The following CTNNA1 variants were observed in gnomAD, a reference collection of about 807,000 sequenced individuals.
CTNNA1 encodes catenin alpha-1.
CTNNA1 carries 37 observed loss-of-function variants against 98.4 expected under a neutral mutation model. That is an observed-to-expected ratio of 0.38 (90% CI 0.29 to 0.49). The LOEUF (loss-of-function observed/expected upper bound fraction) is 0.49. Among genes scored for constraint, CTNNA1 ranks in the 20% least tolerant of loss-of-function variants. The pLI is 0.95. For synonymous variants in CTNNA1, 404 were observed against 413.2 expected, an observed-to-expected ratio of 0.98 and a Z score of 0.27; for missense variants, 761 against 1,147.2, an observed-to-expected ratio of 0.66 and a Z score of 4.86.
intron 7 of CTNNA1, among the ~76,000 whole-genome samples, chr5:138,838,474 C>A (rs992600145): frequency 1.3e-5 from 2 of 152,080 alleles, no homozygotes; most frequent in Admixed American, 6.6e-5. Context: ...GTCAATCTGG[C>A]CAGAAGTTTA....
chr5:138,867,335 G>C (rs1478742582), intron 7 of CTNNA1, among the ~76,000 whole-genome samples: 1 of 152,170 alleles, frequency 6.6e-6, no homozygotes, highest in Non-Finnish European at 1.5e-5. Context: ...ATGTGGTCCT[G>C]CTATGGGGCT....
At chr5:138,778,888 T>G (rs1561516562) in intron 1 of CTNNA1, among the ~76,000 whole-genome samples, 1 of 151,748 alleles carries the variant, frequency 6.6e-6, no homozygotes, top group Non-Finnish European at 1.5e-5. Context: ...AAAGTTACGT[T>G]TTTTTTTTGA....
intron 7 of CTNNA1, among the ~76,000 whole-genome samples, chr5:138,855,317 G>A (rs559563603): frequency 2.6e-4 from 40 of 152,236 alleles, no homozygotes; most frequent in South Asian, 1.7e-3. Flanking sequence ...GATTATAGGC[G>A]TGAGCCACCG....
chr5:138,869,412 A>G (rs2149912647), intron 7 of CTNNA1: 1 of 151,066 alleles, frequency 6.6e-6, no homozygotes, highest in South Asian at 2.1e-4. Flanking sequence ...GCTTTAGTCA[A>G]TAAGATATGA....
chr5:138,873,223 C>G lies in CTNNA1; in HGVS notation c.1063-12989C>G. 1 of 1,613,912 alleles carries G rather than the reference C, an allele frequency of 6.2e-7. No individual in the cohort carries two copies. Among genetic ancestry groups the G allele is most frequent in the Non-Finnish European group, 8.5e-7 (1 of 1,179,856 alleles). ...TTCTTCTTAAAGTGGGAGGGCAGCA[C>G]TTCCTGGAGATGAACACTATAAAAA... On this transcript the variant is annotated intron_variant, in intron 7 of 17. Transcript: ENST00000302763. The surrounding 1 kb of genome is among the most constrained non-coding windows in gnomAD (Gnocchi z 6.1).
At chr5:138,829,674 T>G (rs944555499) in intron 7 of CTNNA1, among the ~76,000 whole-genome samples, 2 of 152,188 alleles carry the variant, frequency 1.3e-5, no homozygotes, top group Non-Finnish European at 2.9e-5. Flanking sequence ...ACTGAAGACA[T>G]GGAGACTGCA....
At position 138,873,882 on chromosome 5, in the gene CTNNA1, G is replaced by T. The variant is rs778020992; in HGVS notation, c.1063-12330G>T. On this transcript the variant is annotated intron_variant, in intron 7 of 17. Transcript: ENST00000302763. This position sits in a 1 kb window ranked among gnomAD's most constrained non-coding sequence, Gnocchi z 6.1. Reference sequence around the variant, plus strand: ...AAGAGCGTGTGCAGACTGCTTAGCCGTAGGAAATGAGCAAAATTAATCTTC... The same window carrying T: ...AAGAGCGTGTGCAGACTGCTTAGCCTTAGGAAATGAGCAAAATTAATCTTC... 3.1e-6 allele frequency: 5 copies of T among 1,613,846 alleles called. No individual in the cohort carries two copies. The highest frequency in any genetic ancestry group is 1.1e-5 in the South Asian group (1 of 91,084).
At chr5:138,858,423 G>T (rs754060097) in intron 7 of CTNNA1, among the ~76,000 whole-genome samples, 1 of 152,022 alleles carries the variant, frequency 6.6e-6, no homozygotes, top group Non-Finnish European at 1.5e-5. Context: ...TCCTGCGCCT[G>T]TCCCAGTATT....
At chr5:138,846,481 G>C (rs902842617) in intron 7 of CTNNA1, among the ~76,000 whole-genome samples, 1 of 152,186 alleles carries the variant, frequency 6.6e-6, no homozygotes, top group Non-Finnish European at 1.5e-5. Flanking sequence ...GTTTGCTAAT[G>C]ATGTGATATG....
chr5:138,922,149 C>T (rs1322808835), intron 11 of CTNNA1, among the ~76,000 whole-genome samples: 1 of 152,140 alleles, frequency 6.6e-6, no homozygotes, highest in Non-Finnish European at 1.5e-5. Flanking sequence ...TGGAGAATGC[C>T]AGTTGGCATG....
Position 138,907,977 on chromosome 5 carries a change from T to TTTC in CTNNA1, c.1389+3552_1389+3554dup, listed in dbSNP as rs1236525088. 7.5e-4 allele frequency among the ~76,000 whole-genome samples: 114 copies of TTTC among 151,764 alleles called. 1 individual carries two copies. Among genetic ancestry groups the TTTC allele is most frequent in the African/African-American group, 2.4e-3 (99 of 41,366 alleles). ...CATGCCCCCCATCCGCCCTTTTTTT[T>TTTC]TTCTTCTTCTTCTTCTTCGAGACAG... On this transcript the variant is annotated intron_variant, in intron 10 of 17. Coordinates refer to ENST00000302763, the MANE Select transcript of CTNNA1 (RefSeq NM_001903.5).
intron 7 of CTNNA1, among the ~76,000 whole-genome samples, chr5:138,879,973 C>T (rs1752539464): frequency 6.6e-6 from 1 of 152,172 alleles, no homozygotes; most frequent in Non-Finnish European, 1.5e-5. Flanking sequence ...TGACAACCTG[C>T]TTCCCTTGTA....
At chr5:138,863,216 T>TCATCTTTTTTTATATATATATATA (rs2149889443) in intron 7 of CTNNA1, among the ~76,000 whole-genome samples, 1 of 151,780 alleles carries the variant, frequency 6.6e-6, no homozygotes, top group East Asian at 1.9e-4. Flanking sequence ...AATGATTGCT[T>TCATCTTTTTTTATATATATATATA]CATCTTTTTT....
intron 9 of CTNNA1, among the ~76,000 whole-genome samples, chr5:138,903,064 G>T (rs999579728): frequency 1.3e-5 from 2 of 152,120 alleles, no homozygotes; most frequent in Admixed American, 6.6e-5. Flanking sequence ...GTGTCAGGGA[G>T]TATAAGTGTT....
intron 10 of CTNNA1, among the ~76,000 whole-genome samples, chr5:138,908,823 A>G (rs544143064): frequency 6.6e-6 from 1 of 152,076 alleles, no homozygotes; most frequent in Admixed American, 6.5e-5. Flanking sequence ...CTTGATGGCT[A>G]CTTTCTCTCA....
intron 7 of CTNNA1, among the ~76,000 whole-genome samples, chr5:138,852,608 G>A (rs1763303836): frequency 6.6e-6 from 1 of 151,980 alleles, no homozygotes; most frequent in African/African-American, 2.4e-5. Context: ...ACTTTAACAT[G>A]TACAATTATA....
intron 7 of CTNNA1, among the ~76,000 whole-genome samples, chr5:138,861,993 A>G (rs995939011): frequency 2.0e-5 from 3 of 152,180 alleles, no homozygotes; most frequent in African/African-American, 7.2e-5. Flanking sequence ...TGTTGGATAA[A>G]CTAGATTATT....
intron 3 of CTNNA1, among the ~76,000 whole-genome samples, chr5:138,794,317 T>G (rs770361134): frequency 3.9e-5 from 6 of 152,072 alleles, no homozygotes; most frequent in Admixed American, 6.5e-5. Context: ...GGGCCTGGCC[T>G]CTTTTCTTTC....
At chr5:138,784,263 T>C (rs1360809337) in intron 3 of CTNNA1, among the ~76,000 whole-genome samples, 2 of 152,158 alleles carry the variant, frequency 1.3e-5, no homozygotes, top group African/African-American at 4.8e-5. Context: ...AACAATGATG[T>C]AGGTTTTTTA....
Sources: allele counts gnomAD v4.1 joint callset (sites outside exome capture counted in the v4.1 genomes callset), GRCh38; gene constraint gnomAD v4.1.1; non-coding constraint Gnocchi (gnomAD v3.1); transcripts MANE v1.5; gene names NCBI Gene and HGNC (gene_info 2026-07-23, HGNC 2026-07-21).